The following MAN1A1 variants were observed in gnomAD, a reference collection of about 807,000 sequenced individuals.
MAN1A1 encodes the protein mannosyl-oligosaccharide 1,2-alpha-mannosidase IA.
In MAN1A1, 29 loss-of-function variants were observed where a neutral mutation model predicts 70.8. The observed-to-expected ratio is 0.41, with a 90% CI of 0.31 to 0.56. The LOEUF (loss-of-function observed/expected upper bound fraction) is 0.56. Ranked by LOEUF, MAN1A1 falls within the 20% of genes least tolerant of loss-of-function variation. The pLI is 0.29. For missense variants in MAN1A1, 747 were observed against 841.3 expected (o/e 0.89, Z 1.39); for synonymous variants, 349 against 330.1 (o/e 1.06, Z -0.62).
rs570788058 is a variant in MAN1A1 at position 119,184,012 on chromosome 6, T to A, written c.1720-3585A>T. Among the ~76,000 whole-genome samples the A allele has an allele frequency of 2.8e-3, 419 of 150,930 alleles. 1 individual carries two copies. Among genetic ancestry groups the A allele is most frequent in the African/African-American group, 6.8e-3 (281 of 41,132 alleles). ...TTTTTGGTAAATTAAAAAAAAAAAA[T>A]TTTTTTTTAAAGGAAAAGCACCCAA... On this transcript the variant is annotated intron_variant, in intron 11 of 12. Coordinates refer to ENST00000368468, the MANE Select transcript of MAN1A1 (RefSeq NM_005907.4).
intron 5 of MAN1A1, among the ~76,000 whole-genome samples, chr6:119,281,161 G>C (rs1211822225): frequency 6.6e-6 from 1 of 152,248 alleles, no homozygotes; most frequent in African/African-American, 2.4e-5. Context: ...GTGAAGATGT[G>C]TGTTAGTGAA....
chr6:119,282,328 G>A (rs1776244956), intron 5 of MAN1A1, among the ~76,000 whole-genome samples: 1 of 152,172 alleles, frequency 6.6e-6, no homozygotes. Context: ...GGCTTATGCA[G>A]AGGGACAAAC....
At chr6:119,338,844 TC>T (rs1255721935) in intron 2 of MAN1A1, among the ~76,000 whole-genome samples, 2 of 152,134 alleles carry the variant, frequency 1.3e-5, no homozygotes, top group East Asian at 3.9e-4. Context: ...AAGTGTGCAA[TC>T]TAGGGGAAAA....
intron 2 of MAN1A1, among the ~76,000 whole-genome samples, chr6:119,328,319 A>C (rs1773210965): frequency 6.6e-6 from 1 of 152,224 alleles, no homozygotes; most frequent in Admixed American, 6.5e-5. Flanking sequence ...CTAGCATGCA[A>C]ACAGTTGTGC....
intron 6 of MAN1A1, among the ~76,000 whole-genome samples, chr6:119,220,175 A>G (rs2114256217): frequency 6.6e-6 from 1 of 152,288 alleles, no homozygotes; most frequent in Admixed American, 6.5e-5. Flanking sequence ...TCATTACGAC[A>G]ACTACTTTAC....
At position 119,204,976 on chromosome 6, in the gene MAN1A1, A is replaced by G. The variant is rs913841093; in HGVS notation, c.993-94T>C. On this transcript the variant is annotated intron_variant, in intron 6 of 12. Transcript: ENST00000368468. ...ACATGAAATAGACAGCTTTTAAAAA[A>G]AGGCATCCTAGCTAATAGTCCACTC... The G allele has an allele frequency of 6.0e-6, 8 of 1,323,728 alleles. No homozygotes were observed. The Admixed American group carries it at 7.0e-5, about 12-fold the overall frequency. 82.0% of individuals were successfully genotyped at this position (1,323,728 alleles called of 1,614,324 possible).
intron 5 of MAN1A1, among the ~76,000 whole-genome samples, chr6:119,261,569 TTCCAC>T (rs1775614431): frequency 6.6e-6 from 1 of 152,140 alleles, no homozygotes; most frequent in South Asian, 2.1e-4. Context: ...AAGTAATAAC[TTCCAC>T]TCCTCTTCAA....
At chr6:119,270,842 A>G (rs1448438649) in intron 5 of MAN1A1, among the ~76,000 whole-genome samples, 4 of 152,242 alleles carry the variant, frequency 2.6e-5, no homozygotes, top group Non-Finnish European at 5.9e-5. Flanking sequence ...GCAATCTGCG[A>G]ATTTGGGGTA....
chr6:119,237,412 C>T (rs564037406), intron 6 of MAN1A1, among the ~76,000 whole-genome samples: 1 of 152,224 alleles, frequency 6.6e-6, no homozygotes, highest in Admixed American at 6.5e-5. Context: ...CACGGAACTC[C>T]CTCTCCTACA....
At chr6:119,202,202 TTC>T (rs1259301875) in intron 7 of MAN1A1, among the ~76,000 whole-genome samples, 1 of 152,202 alleles carries the variant, frequency 6.6e-6, no homozygotes, top group Non-Finnish European at 1.5e-5. Context: ...CCAAAATATT[TTC>T]TTTCTTTATA....
chr6:119,179,711 A>T lies in MAN1A1; in HGVS notation c.*108T>A. The T allele has an allele frequency of 9.7e-7, 1 of 1,025,958 alleles. No homozygotes were observed. The allele number at this position is 1,025,958 out of a possible 1,614,324, so 63.6% of individuals were successfully genotyped here. A position where few individuals can be genotyped will look rare whatever the true frequency, so the allele number is the denominator to read the frequency against. On this transcript the variant is annotated 3_prime_UTR_variant, in exon 13 of 13. Coordinates refer to ENST00000368468, the MANE Select transcript of MAN1A1 (RefSeq NM_005907.4). ...AGACTGCAAAACAATTTAAGAACTT[A>T]ATCACAGACCTACTAATCAAAGTTC...
At chr6:119,292,352 A>G (rs1299367082) in intron 4 of MAN1A1, among the ~76,000 whole-genome samples, 1 of 151,988 alleles carries the variant, frequency 6.6e-6, no homozygotes, top group African/African-American at 2.4e-5. Flanking sequence ...TTTATAATAT[A>G]TGGAGTCAAT....
At chr6:119,297,879 G>A (rs557577313) in intron 4 of MAN1A1, among the ~76,000 whole-genome samples, 2 of 150,984 alleles carry the variant, frequency 1.3e-5, no homozygotes, top group East Asian at 1.9e-4. Flanking sequence ...TGAACTTCTG[G>A]GTTCAAGAAA....
chr6:119,327,208 GC>G (rs1482072040), intron 2 of MAN1A1: 1 of 152,106 alleles, frequency 6.6e-6, no homozygotes, highest in East Asian at 1.9e-4. Flanking sequence ...AAGAGATGCA[GC>G]AGAATGGAAA....
intron 3 of MAN1A1, among the ~76,000 whole-genome samples, 198 bp downstream of exon 3, chr6:119,306,698 G>A (rs2114449737): frequency 6.6e-6 from 1 of 152,264 alleles, no homozygotes; most frequent in South Asian, 2.1e-4. Flanking sequence ...GGTTATTCCA[G>A]CAGGTTATTC....
chr6:119,277,897 A>T (rs957278786), intron 5 of MAN1A1, among the ~76,000 whole-genome samples: 2 of 140,886 alleles, frequency 1.4e-5, no homozygotes, highest in Admixed American at 7.6e-5. Flanking sequence ...AGACTGCACA[A>T]CTGCACTCCA....
intron 4 of MAN1A1, among the ~76,000 whole-genome samples, chr6:119,297,524 A>C (rs564687560): frequency 6.6e-6 from 1 of 152,244 alleles, no homozygotes; most frequent in African/African-American, 2.4e-5. Context: ...AAAAAAACAC[A>C]AGGTCATTGA....
rs373652585 is a variant in MAN1A1, at chr6:119,248,341, T to G, written c.911A>C (p.Lys304Thr). ...CAATTTTACCCCAAGTTCCACTGCT[T>G]TCTTTCGAAAAATCTGAAAAGTCAA... ...YLSGEEIFRK[K>T]AVELGVKLLP... Residue 304 changes from lysine (K) to threonine (T), a missense_variant, in exon 6 of 13, where the codon AAA becomes ACA. Transcript: ENST00000368468. The G allele has an allele frequency of 8.1e-6, 13 of 1,610,468 alleles. No individual in the cohort carries two copies. The highest frequency in any genetic ancestry group is 1.1e-5 in the Non-Finnish European group (13 of 1,176,814).
chr6:119,290,979 G>A (rs892580231), intron 4 of MAN1A1, among the ~76,000 whole-genome samples: 4 of 151,716 alleles, frequency 2.6e-5, no homozygotes, highest in Non-Finnish European at 5.9e-5. Context: ...CCCAAAATAC[G>A]TACAATCATT....
Sources: allele counts gnomAD v4.1 joint callset (sites outside exome capture counted in the v4.1 genomes callset), GRCh38; gene constraint gnomAD v4.1.1; transcripts MANE v1.5; gene names NCBI Gene and HGNC (gene_info 2026-07-23, HGNC 2026-07-21).